Variants in DYNC2H1 observed in about 807,000 individuals in gnomAD.
DYNC2H1 encodes the protein cytoplasmic dynein 2 heavy chain 1.
In DYNC2H1, 410 loss-of-function variants were observed where a neutral mutation model predicts 570.0. That is an observed-to-expected ratio of 0.72 (90% CI 0.66 to 0.78). The LOEUF (loss-of-function observed/expected upper bound fraction) is 0.78. Ranked by LOEUF, DYNC2H1 falls within the 30% of genes least tolerant of loss-of-function variation. The pLI, the probability that DYNC2H1 is intolerant of heterozygous loss-of-function variation, is 0.00. For synonymous variants in DYNC2H1, 1,688 were observed against 1,677.6 expected (o/e 1.01, Z -0.15); for missense variants, 4,865 against 5,046.4 (o/e 0.96, Z 1.09).
At chr11:103,126,384 T>C (rs1388902535) in intron 12 of DYNC2H1, among the ~76,000 whole-genome samples, 1 of 152,206 alleles carries the variant, frequency 6.6e-6, no homozygotes, top group Non-Finnish European at 1.5e-5. Context: ...TATTGCCAAA[T>C]GTTCCCTGAG....
intron 36 of DYNC2H1, 35 bp from the exon 37 acceptor site, chr11:103,176,197 GTAA>G (rs1397471047): frequency 5.6e-6 from 8 of 1,418,788 alleles, no homozygotes; most frequent in Non-Finnish European, 6.5e-6. Context: ...CATCATTAAA[GTAA>G]TAATAAATAA....
In DYNC2H1 at chr11:103,465,177, C is replaced by G. The variant is rs1240234985; in HGVS notation, c.12649-3412C>G. 6.6e-6 allele frequency among the ~76,000 whole-genome samples: 1 copy of G among 151,844 alleles called. No homozygotes were observed. Among genetic ancestry groups the G allele is most frequent in the East Asian group, 1.9e-4 (1 of 5,176 alleles). On this transcript the variant is annotated intron_variant, in intron 87 of 88. Transcript: ENST00000375735. The surrounding 1 kb of genome is among the most constrained non-coding windows in gnomAD (Gnocchi z 4.9). ...AAAAAATATAAAATGGGAATAATAC[C>G]AAATATATGACTATTGTAAACATAT...
rs1860960506 is a variant in DYNC2H1 at position 103,158,918 on chromosome 11, C to G, written c.4269C>G (p.Arg1423=). The change falls in exon 28 of 89, where the codon CGC becomes CGG. Residue 1423 remains arginine, a synonymous_variant. Transcript: ENST00000375735. ...GTTTCTATTTTTATTAGGAAAAACG[C>G]TCAGCATTCCCAAGATTTTATTTTA... ...KSLNEFLEEK[R]SAFPRFYFIG... The G allele has an allele frequency of 6.2e-7, 1 of 1,606,940 alleles. No individual in the cohort carries two copies. The highest frequency in any genetic ancestry group is 1.3e-5 in the African/African-American group (1 of 74,590).
chr11:103,152,182 G>C lies in DYNC2H1; in HGVS notation c.2993G>C (p.Arg998Pro). 6.2e-7 allele frequency: 1 copy of C among 1,605,270 alleles called. No homozygotes were observed. Among genetic ancestry groups the C allele is most frequent in the Non-Finnish European group, 8.5e-7 (1 of 1,177,220 alleles). The change falls in exon 21 of 89, where the codon CGA becomes CCA. Residue 998 changes from arginine (R) to proline (P), a missense_variant. Physicochemically the swap from Arg to Pro is moderately radical, Grantham distance 103. Coordinates refer to ENST00000375735, the MANE Select transcript of DYNC2H1 (RefSeq NM_001377.3). ...QEAEDKNRLLRTVAGGGLETI... is the reference protein window; with the variant it reads ...QEAEDKNRLLPTVAGGGLETI... ...GCTGAAGACAAAAACAGACTTTTACGAACTGTGGCTGGTGGAGGTTTAGAA... is the reference window on the plus strand; with the variant it reads ...GCTGAAGACAAAAACAGACTTTTACCAACTGTGGCTGGTGGAGGTTTAGAA...
Position 103,185,020 on chromosome 11 carries a change from A to T in DYNC2H1, c.6602A>T (p.Asn2201Ile). The change falls in exon 41 of 89, where the codon AAT (asparagine) becomes ATT (isoleucine). Residue 2201 changes from asparagine to isoleucine, a missense_variant. Transcript: ENST00000375735. The surrounding 1 kb of genome is among the most constrained non-coding windows in gnomAD (Gnocchi z 4.5). ...ATAAGGGGACTTGGTGGAAATCTGA[A>T]TATGAAGTCACGTTTGGAATTTACC... ...NLIRGLGGNL[N>I]MKSRLEFTKE... 1 of 1,609,754 alleles carries T rather than the reference A, an allele frequency of 6.2e-7. No individual in the cohort carries two copies. The highest frequency in any genetic ancestry group is 8.5e-7 in the Non-Finnish European group (1 of 1,177,172).
At chr11:103,226,122 T>C (rs1254809503) in intron 59 of DYNC2H1, among the ~76,000 whole-genome samples, 1 of 152,132 alleles carries the variant, frequency 6.6e-6, no homozygotes, top group East Asian at 1.9e-4. Flanking sequence ...GATGAGTCTT[T>C]AGGGGTTTCT....
intron 82 of DYNC2H1, among the ~76,000 whole-genome samples, chr11:103,331,212 ATAGT>A (rs1938770777): frequency 6.6e-6 from 1 of 152,212 alleles, no homozygotes; most frequent in East Asian, 1.9e-4. Flanking sequence ...TAAATTCTTA[ATAGT>A]TAATACATTG....
At chr11:103,125,438 C>T in intron 12 of DYNC2H1, 143 bp downstream of exon 12, 1 of 584,826 alleles carries the variant, frequency 1.7e-6, no homozygotes, top group South Asian at 3.4e-5. Flanking sequence ...CTAAATGAGT[C>T]CATTACAAAA....
At chr11:103,476,044 C>A (rs1035682673) in intron 88 of DYNC2H1, among the ~76,000 whole-genome samples, 4 of 152,190 alleles carry the variant, frequency 2.6e-5, no homozygotes, top group African/African-American at 9.7e-5. Context: ...TTCAGTCTAA[C>A]AAATATGTGA....
At chr11:103,152,598 A>G (rs1272114455) in intron 21 of DYNC2H1, among the ~76,000 whole-genome samples, 1 of 152,102 alleles carries the variant, frequency 6.6e-6, no homozygotes, top group Non-Finnish European at 1.5e-5. Flanking sequence ...TAATTACTAA[A>G]TTTATTAGGA....
intron 55 of DYNC2H1, 52 bp downstream of exon 55, chr11:103,215,910 C>G: frequency 6.4e-7 from 1 of 1,558,028 alleles, no homozygotes; most frequent in Non-Finnish European, 8.7e-7. Context: ...AGCATTTATG[C>G]CTGATAGTCA....
chr11:103,134,206 T>C (rs1022329728), intron 14 of DYNC2H1, 115 bp from the exon 15 acceptor site: 1 of 823,922 alleles, frequency 1.2e-6, no homozygotes, highest in Non-Finnish European at 2.0e-6. Context: ...ATGTCTTGTA[T>C]AGATTAAGTT....
intron 83 of DYNC2H1, among the ~76,000 whole-genome samples, chr11:103,394,494 T>C (rs1164043612): frequency 3.3e-5 from 5 of 151,972 alleles, no homozygotes; most frequent in Non-Finnish European, 4.4e-5. Flanking sequence ...ATATAAGAAA[T>C]TTGAGCATCC....
chr11:103,272,587 A>C (rs1386056864), intron 70 of DYNC2H1, among the ~76,000 whole-genome samples: 3 of 152,152 alleles, frequency 2.0e-5, no homozygotes, highest in Non-Finnish European at 4.4e-5. Flanking sequence ...TAAATAAATA[A>C]ATAAATAAAA....
chr11:103,439,753 A>G lies in DYNC2H1; in HGVS notation c.12456+3721A>G, dbSNP rs555901962. On this transcript the variant is annotated intron_variant, in intron 85 of 88. Transcript: ENST00000375735. This position sits in a 1 kb window ranked among gnomAD's most constrained non-coding sequence, Gnocchi z 4.1. The stretch of plus-strand genomic sequence containing the variant: ...AAGATCTTAAAAAAAAAATTCCACT[A>G]TATTTCCAATACCTATATACTGTCT... Among the ~76,000 whole-genome samples the G allele has an allele frequency of 3.6e-4, 55 of 152,236 alleles. 1 individual carries two copies. The highest frequency in any genetic ancestry group is 7.5e-4 in the Non-Finnish European group (51 of 68,000).
At chr11:103,281,760 G>GA (rs968381269) in intron 71 of DYNC2H1, among the ~76,000 whole-genome samples, 1 of 150,348 alleles carries the variant, frequency 6.7e-6, no homozygotes, top group East Asian at 1.9e-4. Context: ...CAATCAGTGA[G>GA]AAAAAAATGC....
At position 103,396,813 on chromosome 11, in the gene DYNC2H1, A is replaced by T. The variant is rs145545520; in HGVS notation, c.12157-2850A>T. ...CTCAGCCATAAAAAAGAATGAAATT[A>T]TGTCTTCTGTAGCAATATGGGTGGA... On this transcript the variant is annotated intron_variant, in intron 83 of 88. Transcript: ENST00000375735. 5.9e-5 allele frequency among the ~76,000 whole-genome samples: 9 copies of T among 152,358 alleles called. No homozygotes were observed. The East Asian group carries it at 1.7e-3, about 29-fold the overall frequency.
At chr11:103,421,944 T>C (rs1327455025) in intron 84 of DYNC2H1, among the ~76,000 whole-genome samples, 3 of 148,160 alleles carry the variant, frequency 2.0e-5, no homozygotes, top group East Asian at 3.9e-4. Context: ...GACCACTAGC[T>C]AGAATAATAA....
Position 103,156,609 on chromosome 11 carries a change from A to G in DYNC2H1, c.3966A>G (p.Glu1322=), listed in dbSNP as rs916040775. The G allele has an allele frequency of 6.2e-7, 1 of 1,613,600 alleles. No individual in the cohort carries two copies. The highest frequency in any genetic ancestry group is 1.3e-5 in the African/African-American group (1 of 74,926). The part of the protein sequence containing the change: ...LKDSPYYKGF[E]DKVSIWERKL... ...ATTCTCCTTATTATAAAGGATTTGA[A>G]GATAAAGTATCAATTTGGGAAAGAA... The change falls in exon 26 of 89, where the codon GAA becomes GAG. Residue 1322 remains glutamate, a synonymous_variant. Transcript: ENST00000375735.
Sources: allele counts gnomAD v4.1 joint callset (sites outside exome capture counted in the v4.1 genomes callset), GRCh38; gene constraint gnomAD v4.1.1; non-coding constraint Gnocchi (gnomAD v3.1); transcripts MANE v1.5; gene names NCBI Gene and HGNC (gene_info 2026-07-23, HGNC 2026-07-21).